Variants in STK32C observed in about 807,000 individuals in gnomAD.
STK32C encodes serine/threonine-protein kinase 32C.
STK32C carries 31 observed loss-of-function variants against 56.5 expected under a neutral mutation model. That is an observed-to-expected ratio of 0.55 (90% CI 0.41 to 0.74). The LOEUF is 0.74. Among genes scored for constraint, STK32C ranks in the 30% least tolerant of loss-of-function variants. The pLI, the probability that STK32C is intolerant of heterozygous loss-of-function variation, is 0.00. For missense variants in STK32C, 544 were observed against 676.9 expected (o/e 0.80, Z 2.18); for synonymous variants, 309 against 289.4 (o/e 1.07, Z -0.69).
chr10:132,296,084 G>A (rs1045558319), intron 1 of STK32C, among the ~76,000 whole-genome samples: 3 of 148,266 alleles, frequency 2.0e-5, no homozygotes, highest in Admixed American at 6.8e-5. Flanking sequence ...TGTGGACAGC[G>A]TGTAATCTCG....
intron 2 of STK32C, among the ~76,000 whole-genome samples, chr10:132,234,958 CA>C (rs1410830683): frequency 1.3e-5 from 2 of 152,208 alleles, no homozygotes; most frequent in African/African-American, 4.8e-5. Context: ...ACACATTGTA[CA>C]GGGGGCACCA....
At position 132,250,981 on chromosome 10, in the gene STK32C, G is replaced by A. The variant is rs948829200; in HGVS notation, c.263-5026C>T. On this transcript the variant is annotated intron_variant, in intron 1 of 11. Transcript: ENST00000298630. Reference sequence around the variant, plus strand: ...CTGCCAGTGGGAGGGTACAGTGGCGGTCTGCATAGCAGAGGCCTGGGTGGG... The same window carrying A: ...CTGCCAGTGGGAGGGTACAGTGGCGATCTGCATAGCAGAGGCCTGGGTGGG... Among the ~76,000 whole-genome samples, 3 of 152,202 alleles carry A rather than the reference G, an allele frequency of 2.0e-5. No homozygotes were observed. The East Asian group carries it at 5.8e-4, about 29-fold the overall frequency.
chr10:132,324,195 C>T (rs1400142609), exon 2 of STK32C: 1 of 776,966 alleles, frequency 1.3e-6, no homozygotes, highest in South Asian at 1.3e-5. Flanking sequence ...GAGACAAGTT[C>T]ACCACTTTGG....
At chr10:132,289,511 C>T (rs372334846) in intron 1 of STK32C, among the ~76,000 whole-genome samples, 4 of 152,232 alleles carry the variant, frequency 2.6e-5, no homozygotes, top group East Asian at 3.8e-4. Context: ...GTAAGCCACA[C>T]AAATGACTGT....
At chr10:132,222,297 C>T (rs1258961858) in intron 10 of STK32C, among the ~76,000 whole-genome samples, 1 of 137,504 alleles carries the variant, frequency 7.3e-6, no homozygotes, top group African/African-American at 2.7e-5. Flanking sequence ...GGCACACATA[C>T]CTGATGCTGA....
intron 1 of STK32C, among the ~76,000 whole-genome samples, chr10:132,265,828 CG>C (rs1237897708): frequency 6.6e-6 from 1 of 152,192 alleles, no homozygotes; most frequent in Non-Finnish European, 1.5e-5. Context: ...TCCATCCCCC[CG>C]GACAGCCAGG....
chr10:132,293,099 G>T (rs2065621405), intron 1 of STK32C, among the ~76,000 whole-genome samples: 1 of 152,246 alleles, frequency 6.6e-6, no homozygotes, highest in Non-Finnish European at 1.5e-5. Flanking sequence ...GCACGTGCGG[G>T]GCGGTCAGTG....
At chr10:132,324,877 A>G (rs191629765) in intron 1 of STK32C, among the ~76,000 whole-genome samples, 1 of 152,340 alleles carries the variant, frequency 6.6e-6, no homozygotes, top group East Asian at 1.9e-4. Context: ...TGAAAGTGGG[A>G]TGGGGAGAGA....
chr10:132,329,256 A>C (rs757760626), intron 1 of STK32C, among the ~76,000 whole-genome samples: 2 of 152,206 alleles, frequency 1.3e-5, no homozygotes, highest in Non-Finnish European at 2.9e-5. Context: ...TCTACAAAAA[A>C]TACAAAAATT....
In STK32C at chr10:132,267,445, G is replaced by A. The variant is rs193245420; in HGVS notation, c.263-21490C>T. Among the ~76,000 whole-genome samples the A allele has an allele frequency of 1.8e-3, 280 of 152,300 alleles. 1 individual carries two copies. Among genetic ancestry groups the A allele is most frequent in the South Asian group, 8.9e-3 (43 of 4,820 alleles). ...CAGTTCTGTGCATGTGTGTCAGTGC[G>A]TGTGCATGCATGTGTATGTGGGTTC... On this transcript the variant is annotated intron_variant, in intron 1 of 11. Coordinates refer to ENST00000298630, the MANE Select transcript of STK32C (RefSeq NM_173575.4).
At chr10:132,275,432 T>C (rs1046017707) in intron 1 of STK32C, among the ~76,000 whole-genome samples, 3 of 152,198 alleles carry the variant, frequency 2.0e-5, no homozygotes, top group Non-Finnish European at 4.4e-5. Context: ...TGGAAACATC[T>C]AGATGTCGTG....
downstream of STK32C, among the ~76,000 whole-genome samples, chr10:132,320,482 G>A (rs1183831199): frequency 6.6e-6 from 1 of 152,036 alleles, no homozygotes; most frequent in African/African-American, 2.4e-5. Flanking sequence ...CAGGAGACCC[G>A]TCTATAATAG....
chr10:132,244,225 G>C (rs2063604991), intron 2 of STK32C, among the ~76,000 whole-genome samples: 1 of 152,200 alleles, frequency 6.6e-6, no homozygotes, highest in Non-Finnish European at 1.5e-5. Context: ...CTGTGAGCCG[G>C]AAGGAACCCT....
intron 1 of STK32C, among the ~76,000 whole-genome samples, chr10:132,260,255 G>A (rs886189387): frequency 6.6e-6 from 1 of 152,174 alleles, no homozygotes; most frequent in Non-Finnish European, 1.5e-5. Context: ...GCCCTGCTCA[G>A]CCACTGGGGA....
chr10:132,272,275 G>A (rs943367623), intron 1 of STK32C, among the ~76,000 whole-genome samples: 6 of 152,218 alleles, frequency 3.9e-5, no homozygotes, highest in Admixed American at 6.5e-5. Context: ...ACGTGAGGAC[G>A]CTGCCCACGA....
intron 1 of STK32C, among the ~76,000 whole-genome samples, chr10:132,263,865 CA>C (rs71472732): frequency 0.02 from 1,481 of 75,894 alleles, 13 homozygotes; most frequent in African/African-American, 0.065. Flanking sequence ...GACTCCATCT[CA>C]AAAAAAAAAA....
intron 1 of STK32C, among the ~76,000 whole-genome samples, chr10:132,292,459 C>T (rs1412952954): frequency 1.3e-5 from 2 of 152,264 alleles, no homozygotes; most frequent in Admixed American, 6.5e-5. Context: ...CACACTCATA[C>T]ACACGTAAAC....
intron 10 of STK32C, among the ~76,000 whole-genome samples, chr10:132,210,159 G>A (rs1257367177): frequency 2.6e-5 from 4 of 152,232 alleles, no homozygotes; most frequent in Non-Finnish European, 2.9e-5. Context: ...GCGTTCACCC[G>A]AGACGGACAA....
intron 2 of STK32C, among the ~76,000 whole-genome samples, chr10:132,245,304 G>A (rs545997345): frequency 7.2e-5 from 11 of 152,312 alleles, no homozygotes; most frequent in South Asian, 2.1e-4. Context: ...CGCAGAAGCC[G>A]GAGGGCTAAT....
Sources: allele counts gnomAD v4.1 joint callset (sites outside exome capture counted in the v4.1 genomes callset), GRCh38; gene constraint gnomAD v4.1.1; transcripts MANE v1.5; gene names NCBI Gene and HGNC (gene_info 2026-07-23, HGNC 2026-07-21).